ZFAT: variants seen among roughly 807,000 people sequenced by gnomAD.
ZFAT encodes zinc finger protein ZFAT.
Under a neutral mutation model 117.7 loss-of-function variants are expected in ZFAT, and 64 were observed. That is an observed-to-expected ratio of 0.54 (90% CI 0.44 to 0.67). The LOEUF (loss-of-function observed/expected upper bound fraction) is 0.67, where lower values mean the gene tolerates loss of function less well. Among genes scored for constraint, ZFAT ranks in the 30% least tolerant of loss-of-function variants. The pLI is 0.00. For synonymous variants in ZFAT, 679 were observed against 615.0 expected, an observed-to-expected ratio of 1.10 and a Z score of -1.54; for missense variants, 1,433 against 1,584.5, an observed-to-expected ratio of 0.90 and a Z score of 1.62.
the ZFAT span, among the ~76,000 whole-genome samples, chr8:134,745,316 G>T: frequency 1.3e-5 from 2 of 152,278 alleles, no homozygotes; most frequent in East Asian, 3.9e-4. Context: ...AGGTATCCTT[G>T]CACTGCTCTT....
intron 1 of ZFAT, among the ~76,000 whole-genome samples, chr8:134,663,785 AAAT>A (rs2131230044): frequency 2.0e-5 from 3 of 152,336 alleles, no homozygotes; most frequent in South Asian, 4.1e-4. Flanking sequence ...CAATGAGTCT[AAAT>A]AACATTTAAA....
chr8:134,756,660 G>T, the ZFAT span, among the ~76,000 whole-genome samples: 1 of 152,184 alleles, frequency 6.6e-6, no homozygotes, highest in Non-Finnish European at 1.5e-5. Flanking sequence ...CAGTGGCAGG[G>T]GCTGCCCCAC....
At chr8:134,584,669 T>C (rs1054130792) in intron 9 of ZFAT, among the ~76,000 whole-genome samples, 2 of 152,072 alleles carry the variant, frequency 1.3e-5, no homozygotes, top group African/African-American at 2.4e-5. Context: ...CCTATTTTCA[T>C]AGTAGGAAAT....
intron 12 of ZFAT, among the ~76,000 whole-genome samples, chr8:134,530,248 G>C (rs1821311885): frequency 6.6e-6 from 1 of 152,172 alleles, no homozygotes; most frequent in Admixed American, 6.5e-5. Context: ...ATCAAAACAT[G>C]AAATTATAAA....
At chr8:134,726,031 T>C in the ZFAT span, among the ~76,000 whole-genome samples, 1 of 152,312 alleles carries the variant, frequency 6.6e-6, no homozygotes, top group East Asian at 1.9e-4. Flanking sequence ...AGGCACTGCC[T>C]AGGCTCTGTG....
At chr8:134,479,009 C>T (rs1051815922) in intron 15 of ZFAT, among the ~76,000 whole-genome samples, 2 of 152,110 alleles carry the variant, frequency 1.3e-5, no homozygotes, top group African/African-American at 2.4e-5. Context: ...AGCTGCTTCC[C>T]GGGGCTTCCA....
At chr8:134,763,839 G>A in the ZFAT span, among the ~76,000 whole-genome samples, 1 of 152,216 alleles carries the variant, frequency 6.6e-6, no homozygotes, top group Middle Eastern at 3.2e-3. Flanking sequence ...ATAGTTAGAT[G>A]ATGGTCCTGT....
chr8:134,729,284 C>T, the ZFAT span, among the ~76,000 whole-genome samples: 2 of 152,196 alleles, frequency 1.3e-5, no homozygotes, highest in Admixed American at 1.3e-4. Flanking sequence ...TGGGAGATGG[C>T]TGGATTTGGG....
intron 11 of ZFAT, among the ~76,000 whole-genome samples, chr8:134,541,148 T>C (rs1224790299): frequency 6.6e-6 from 1 of 152,186 alleles, no homozygotes; most frequent in Non-Finnish European, 1.5e-5. Flanking sequence ...GTTTGAATAT[T>C]TTTCCCTCCA....
the ZFAT span, among the ~76,000 whole-genome samples, chr8:134,830,055 C>A: frequency 6.6e-6 from 1 of 152,156 alleles, no homozygotes; most frequent in African/African-American, 2.4e-5. Context: ...CTGGAGTAAA[C>A]CGTTCAAGAA....
the ZFAT span, chr8:134,795,323 G>C: frequency 6.6e-6 from 1 of 152,204 alleles, no homozygotes; most frequent in Admixed American, 6.5e-5. Flanking sequence ...ACAGGGCTTG[G>C]AGACTGAGTT....
At chr8:134,771,640 C>G in the ZFAT span, among the ~76,000 whole-genome samples, 2 of 152,302 alleles carry the variant, frequency 1.3e-5, no homozygotes, top group African/African-American at 4.8e-5. Context: ...CCACATTTTC[C>G]TGTCTTCTGA....
intron 1 of ZFAT, among the ~76,000 whole-genome samples, chr8:134,680,143 T>C (rs1440343568): frequency 1.9e-4 from 29 of 150,598 alleles, no homozygotes; most frequent in Non-Finnish European, 4.1e-4. Context: ...ATGCCTACAG[T>C]CCCAGCTACT....
At chr8:134,794,489 C>T in the ZFAT span, 1 of 152,192 alleles carries the variant, frequency 6.6e-6, no homozygotes, top group African/African-American at 2.4e-5. Flanking sequence ...GTTTGTTTTA[C>T]TGTTCCAACA....
At chr8:134,482,274 C>T (rs572032616) in intron 15 of ZFAT, among the ~76,000 whole-genome samples, 2 of 152,318 alleles carry the variant, frequency 1.3e-5, no homozygotes, top group South Asian at 4.1e-4. Context: ...TTAGGGATGT[C>T]TGTCAAACAG....
intron 13 of ZFAT, among the ~76,000 whole-genome samples, chr8:134,513,611 G>C (rs1336539938): frequency 6.6e-6 from 1 of 152,150 alleles, no homozygotes; most frequent in Non-Finnish European, 1.5e-5. Context: ...AGAGAGAAGA[G>C]GTGGAACAGA....
intron 14 of ZFAT, chr8:134,509,985 G>C: frequency 1.9e-6 from 1 of 539,662 alleles, no homozygotes; most frequent in Non-Finnish European, 3.5e-6. Context: ...GGGACATTGA[G>C]ACGTTATTTG....
chr8:134,515,942 A>G (rs1014606592), intron 13 of ZFAT, among the ~76,000 whole-genome samples: 8 of 152,226 alleles, frequency 5.3e-5, no homozygotes, highest in Non-Finnish European at 1.0e-4. Flanking sequence ...TTTACAATAA[A>G]TCCTTAACAT....
In ZFAT at chr8:134,688,367, C is replaced by T. The variant is rs149060986; in HGVS notation, c.19+24478G>A. 2.6e-4 allele frequency among the ~76,000 whole-genome samples: 40 copies of T among 152,244 alleles called. No homozygotes were observed. The East Asian group carries it at 6.8e-3, about 26-fold the overall frequency. On this transcript the variant is annotated intron_variant, in intron 1 of 15. Transcript: ENST00000377838. The stretch of plus-strand genomic sequence containing the variant: ...GTGTGTACATACACAAATGCACATA[C>T]AGCACACATGCGCACACAAACATAC...
Sources: allele counts gnomAD v4.1 joint callset (sites outside exome capture counted in the v4.1 genomes callset), GRCh38; gene constraint gnomAD v4.1.1; transcripts MANE v1.5; gene names NCBI Gene and HGNC (gene_info 2026-07-23, HGNC 2026-07-21).